The following KCNK10 variants were observed in gnomAD, a reference collection of about 807,000 sequenced individuals.
The protein encoded by KCNK10 is potassium two pore domain channel subfamily K member 10.
A neutral mutation model predicts 47.7 loss-of-function variants in KCNK10; 25 were observed. That is an observed-to-expected ratio of 0.52 (90% CI 0.38 to 0.73). The LOEUF (loss-of-function observed/expected upper bound fraction) is 0.73. KCNK10 is among the 30% of genes least tolerant of loss of function. KCNK10 has a pLI of 0.00. For synonymous variants in KCNK10, 303 were observed against 285.6 expected (o/e 1.06, Z -0.61); for missense variants, 563 against 714.5 (o/e 0.79, Z 2.42).
chr14:88,232,794 T>C (rs1886191183), intron 3 of KCNK10, among the ~76,000 whole-genome samples: 1 of 152,258 alleles, frequency 6.6e-6, no homozygotes, highest in African/African-American at 2.4e-5. Flanking sequence ...TGCAGTAGTT[T>C]CCTGTTCAGC....
rs141014232 is a variant in KCNK10 at position 88,186,096 on chromosome 14, C to T, written c.1071G>A (p.Arg357=). 1.9e-6 allele frequency: 3 copies of T among 1,610,388 alleles called. No homozygotes were observed. The highest frequency in any genetic ancestry group is 1.3e-5 in the African/African-American group (1 of 74,848). Residue 357 remains arginine, a synonymous_variant, in exon 7 of 7, where the codon CGG becomes CGA. Coordinates refer to ENST00000319231, the MANE Select transcript of KCNK10 (RefSeq NM_138317.3). This position sits in a 1 kb window ranked among gnomAD's most constrained non-coding sequence, Gnocchi z 5.5. ...EWKANVTAEF[R]ETRRRLSVEI... is the part of the protein sequence containing the mutation. ...CCACGCTGAGCCTTCGCCGTGTCTC[C>T]CGGAACTCAGCCGTGACATTGGCCT...
intron 1 of KCNK10, among the ~76,000 whole-genome samples, chr14:88,315,052 C>A (rs1369041026): frequency 8.5e-5 from 13 of 152,150 alleles, no homozygotes; most frequent in Non-Finnish European, 1.6e-4. Flanking sequence ...GCAGCGCCAG[C>A]CCTAGAAACC....
At chr14:88,308,281 C>T (rs895476295) in intron 1 of KCNK10, among the ~76,000 whole-genome samples, 1 of 152,118 alleles carries the variant, frequency 6.6e-6, no homozygotes, top group African/African-American at 2.4e-5. Flanking sequence ...AATGGAAGTG[C>T]GGCCTCAAAC....
At chr14:88,320,387 A>G (rs1274682561) in intron 1 of KCNK10, among the ~76,000 whole-genome samples, 1 of 152,212 alleles carries the variant, frequency 6.6e-6, no homozygotes, top group Admixed American at 6.5e-5. Context: ...TAACATGAAT[A>G]TATAGAATGA....
intron 4 of KCNK10, among the ~76,000 whole-genome samples, chr14:88,197,571 C>T (rs1304047721): frequency 1.2e-4 from 2 of 16,794 alleles, no homozygotes; most frequent in Non-Finnish European, 2.5e-4. Flanking sequence ...GAGACTCCGA[C>T]TAAAAAAAAA....
Position 88,310,151 on chromosome 14 carries a change from C to CATATGG in KCNK10, c.52+12595_52+12596insCCATAT, listed in dbSNP as rs1405057167. Among the ~76,000 whole-genome samples the CATATGG allele has an allele frequency of 7.5e-3, 51 of 6,774 alleles. 4 individuals carry two copies. Among genetic ancestry groups the CATATGG allele is most frequent in the African/African-American group, 0.037 (51 of 1,392 alleles). The allele number at this position is 6,774 out of a possible 152,430, so 4.4% of individuals were successfully genotyped here. ...CTGGAGCTGATGTTTTAATCCATAT[C>CATATGG]TCTCTCATATACCATATCATATGGT... is the stretch of plus-strand genomic sequence containing the variant. On this transcript the variant is annotated intron_variant, in intron 1 of 6. Transcript: ENST00000319231.
At chr14:88,191,991 A>G (rs1265518013) in intron 5 of KCNK10, among the ~76,000 whole-genome samples, 1 of 152,206 alleles carries the variant, frequency 6.6e-6, no homozygotes, top group Non-Finnish European at 1.5e-5. Flanking sequence ...CGATAAGGGA[A>G]ATAAGCATCC....
intron 1 of KCNK10, among the ~76,000 whole-genome samples, chr14:88,300,833 C>A (rs552351092): frequency 7.3e-6 from 1 of 136,772 alleles, no homozygotes; most frequent in African/African-American, 2.7e-5. Flanking sequence ...AGGTTTTGGA[C>A]TGAAAATTAG....
rs2139753789 is a variant in KCNK10 at position 88,263,327 on chromosome 14, G to T, written c.277C>A (p.Leu93Ile). 1 of 1,613,930 alleles carries T rather than the reference G, an allele frequency of 6.2e-7. No homozygotes were observed. The highest frequency in any genetic ancestry group is 8.5e-7 in the Non-Finnish European group (1 of 1,180,044). Residue 93 changes from leucine to isoleucine, a missense_variant, in exon 2 of 7, where the codon CTT becomes ATT. Physicochemically the swap from Leu to Ile is conservative, Grantham distance 5 (BLOSUM62 2). Coordinates refer to ENST00000319231, the MANE Select transcript of KCNK10 (RefSeq NM_138317.3). ...VVVVYLVTGG[L>I]VFRALEQPFE... is the part of the protein sequence containing the mutation. ...GGCTGCTCCAATGCCCGGAAGACAA[G>T]ACCGCCAGTGACAAGGTAGACCACC... is the stretch of plus-strand genomic sequence containing the variant.
chr14:88,222,507 T>C (rs1885849158), intron 4 of KCNK10, among the ~76,000 whole-genome samples: 1 of 152,184 alleles, frequency 6.6e-6, no homozygotes, highest in Non-Finnish European at 1.5e-5. Context: ...TCATAGACTC[T>C]ACAACACCAA....
intron 1 of KCNK10, among the ~76,000 whole-genome samples, chr14:88,321,407 T>C (rs1399274537): frequency 6.6e-6 from 1 of 152,192 alleles, no homozygotes; most frequent in Non-Finnish European, 1.5e-5. Flanking sequence ...ATGGAATTGA[T>C]TTAGGTCTGT....
chr14:88,194,149 T>G (rs892924774), intron 4 of KCNK10, among the ~76,000 whole-genome samples: 2 of 152,216 alleles, frequency 1.3e-5, no homozygotes, highest in African/African-American at 4.8e-5. Flanking sequence ...AAATTACAAT[T>G]TATTGATATT....
intron 1 of KCNK10, among the ~76,000 whole-genome samples, chr14:88,279,282 C>T (rs1887594669): frequency 6.6e-6 from 1 of 152,024 alleles, no homozygotes; most frequent in East Asian, 1.9e-4. Context: ...TTCTTATTGA[C>T]CCTTGTGGCT....
rs186788253 is a variant in KCNK10 at position 88,266,605 on chromosome 14, T to A, written c.53-3054A>T. On this transcript the variant is annotated intron_variant, in intron 1 of 6. Coordinates refer to ENST00000319231, the MANE Select transcript of KCNK10 (RefSeq NM_138317.3). ...TGGTGGTGGTGGTGGTGGTGATAAT[T>A]CCTTCACACAAAAGCCCCATCGGAA... Among the ~76,000 whole-genome samples, 179 of 152,228 alleles carry A rather than the reference T, an allele frequency of 1.2e-3. 2 individuals are homozygous for A. Among genetic ancestry groups the A allele is most frequent in the African/African-American group, 4.2e-3 (174 of 41,526 alleles).
Position 88,263,436 on chromosome 14 carries a change from C to G in KCNK10, c.168G>C (p.Val56=), listed in dbSNP as rs774340444. 3 of 1,614,180 alleles carry G rather than the reference C, an allele frequency of 1.9e-6. No homozygotes were observed. The highest frequency in any genetic ancestry group is 1.6e-4 in the Middle Eastern group (1 of 6,062). ...PRLSISSRAT[V]VARMEGTSQG... ...GGGAGGTGCCTTCCATCCTGGCTAC[C>G]ACTGTGGCTCGGGAGGAAATGGACA... The change falls in exon 2 of 7, where the codon GTG becomes GTC. Residue 56 remains valine (V), a synonymous_variant. Transcript: ENST00000319231.
intron 2 of KCNK10, among the ~76,000 whole-genome samples, chr14:88,251,890 G>A (rs901660608): frequency 6.6e-6 from 1 of 152,128 alleles, no homozygotes; most frequent in African/African-American, 2.4e-5. Context: ...CCTTGACTCA[G>A]CCCTCTCTGC....
chr14:88,303,062 C>A (rs1566719396), intron 1 of KCNK10, among the ~76,000 whole-genome samples: 1 of 151,174 alleles, frequency 6.6e-6, no homozygotes, highest in African/African-American at 2.4e-5. Flanking sequence ...GCTTGCAGGG[C>A]AAAAAAAACA....
At chr14:88,326,391 G>C (rs1888663045), upstream of KCNK10, 1 of 1,603,794 alleles carries the variant, frequency 6.2e-7, no homozygotes, top group African/African-American at 1.3e-5. Flanking sequence ...TCTACCCTTT[G>C]GTTATTTACA....
chr14:88,326,064 T>C (rs1331536770), upstream of KCNK10, among the ~76,000 whole-genome samples: 1 of 151,860 alleles, frequency 6.6e-6, no homozygotes, highest in East Asian at 1.9e-4. Flanking sequence ...ATGATCTCTC[T>C]GCTTAATCAC....
Sources: gnomAD v4.1 joint callset for allele counts (sites outside exome capture counted in the v4.1 genomes callset) on GRCh38, gnomAD v4.1.1 for gene constraint, Gnocchi (gnomAD v3.1) non-coding constraint, MANE v1.5 for transcripts, NCBI Gene and HGNC (gene_info 2026-07-23, HGNC 2026-07-21) for gene names.